SGCG: variants seen among roughly 807,000 people sequenced by gnomAD.
The protein encoded by SGCG is sarcoglycan gamma, also known as gamma-sarcoglycan.
A neutral mutation model predicts 29.3 loss-of-function variants in SGCG; 26 were observed. That is an observed-to-expected ratio of 0.89 (90% confidence interval 0.65 to 1.23). The LOEUF is 1.23. Among genes scored for constraint, SGCG ranks in the 50% most tolerant of loss-of-function variants. The probability of loss-of-function intolerance (pLI) is 0.00; values close to 1 mark genes in which losing one functional copy is unlikely to be tolerated. For missense variants in SGCG, 353 were observed against 356.0 expected (o/e 0.99, Z 0.07); for synonymous variants, 145 against 129.7 (o/e 1.12, Z -0.80).
chr13:23,275,219 A>T (rs2137610308), intron 4 of SGCG, among the ~76,000 whole-genome samples: 1 of 151,436 alleles, frequency 6.6e-6, no homozygotes, highest in South Asian at 2.1e-4. Context: ...AAGATTGGTT[A>T]AAAGTGATCA....
At chr13:23,216,252 A>G (rs901662242) in intron 2 of SGCG, among the ~76,000 whole-genome samples, 2 of 152,110 alleles carry the variant, frequency 1.3e-5, no homozygotes, top group African/African-American at 2.4e-5. Flanking sequence ...GGGTGTATCT[A>G]TTTATGTCAG....
the SGCG span, among the ~76,000 whole-genome samples, chr13:23,167,452 C>T: frequency 6.6e-6 from 1 of 152,148 alleles, no homozygotes; most frequent in Non-Finnish European, 1.5e-5. Context: ...CTCATAGTAG[C>T]TCTATTTTTA....
chr13:23,243,701 A>T (rs1372222814), intron 3 of SGCG: 6 of 152,122 alleles, frequency 3.9e-5, no homozygotes, highest in African/African-American at 1.4e-4. Context: ...GATTGGCTCC[A>T]CCACGGAACT....
intron 3 of SGCG, among the ~76,000 whole-genome samples, chr13:23,238,353 A>C (rs576377534): frequency 2.0e-5 from 3 of 152,274 alleles, no homozygotes; most frequent in Admixed American, 1.3e-4. Flanking sequence ...ACCCCCACCA[A>C]GTCTATGGAT....
chr13:23,245,696 C>T (rs1879683179), intron 3 of SGCG: 1 of 152,140 alleles, frequency 6.6e-6, no homozygotes, highest in African/African-American at 2.4e-5. Context: ...ATTATAACCC[C>T]CATTCAATAA....
the SGCG span, among the ~76,000 whole-genome samples, chr13:23,167,773 C>T: frequency 6.6e-6 from 1 of 151,952 alleles, no homozygotes; most frequent in Non-Finnish European, 1.5e-5. Flanking sequence ...GCTCCGGCAC[C>T]CAGGCTGGAG....
At chr13:23,180,305 T>G (rs1876686185), upstream of SGCG, among the ~76,000 whole-genome samples, 1 of 151,716 alleles carries the variant, frequency 6.6e-6, no homozygotes, top group Non-Finnish European at 1.5e-5. Context: ...AAAGACAATT[T>G]AAGGTCACAT....
intron 2 of SGCG, among the ~76,000 whole-genome samples, chr13:23,233,841 C>G (rs903749542): frequency 6.6e-6 from 1 of 152,138 alleles, no homozygotes; most frequent in Admixed American, 6.5e-5. Context: ...GGAGGACGAG[C>G]CTGTTAGGAG....
chr13:23,313,615 A>C (rs1442948346), intron 6 of SGCG, among the ~76,000 whole-genome samples: 1 of 152,234 alleles, frequency 6.6e-6, no homozygotes, highest in African/African-American at 2.4e-5. Flanking sequence ...TTTATTTAAA[A>C]AGGAGCACAA....
chr13:23,320,850 A>C, intron 7 of SGCG, 90 bp downstream of exon 7: 1 of 1,338,290 alleles, frequency 7.5e-7, no homozygotes, highest in South Asian at 1.2e-5. Context: ...TTAAATTTCT[A>C]GTAGTTTGTA....
chr13:23,291,733 T>A (rs1316189690), intron 5 of SGCG, among the ~76,000 whole-genome samples: 1 of 152,236 alleles, frequency 6.6e-6, no homozygotes, highest in Non-Finnish European at 1.5e-5. Flanking sequence ...GTAATTGGCA[T>A]GCATTTAAAA....
At chr13:23,222,583 A>C (rs1331818415) in intron 2 of SGCG, among the ~76,000 whole-genome samples, 3 of 151,920 alleles carry the variant, frequency 2.0e-5, no homozygotes, top group Non-Finnish European at 1.5e-5. Flanking sequence ...TCTAGCACTT[A>C]GGGAGGCTGA....
intron 5 of SGCG, among the ~76,000 whole-genome samples, chr13:23,288,556 G>A (rs1162009908): frequency 6.6e-6 from 1 of 152,134 alleles, no homozygotes; most frequent in African/African-American, 2.4e-5. Context: ...GTTTTTAAGC[G>A]AAATTTATGG....
intron 6 of SGCG, among the ~76,000 whole-genome samples, chr13:23,314,076 G>T (rs954201593): frequency 6.6e-6 from 1 of 151,656 alleles, no homozygotes; most frequent in Non-Finnish European, 1.5e-5. Context: ...GGGACCTTGT[G>T]ATCATGTAAG....
chr13:23,267,436 C>T (rs1232321632), intron 4 of SGCG: 1 of 152,166 alleles, frequency 6.6e-6, no homozygotes, highest in Admixed American at 6.5e-5. Flanking sequence ...CCAGATAATC[C>T]AAGTCACTTT....
chr13:23,252,141 A>T (rs192590049), intron 4 of SGCG, among the ~76,000 whole-genome samples: 1 of 152,168 alleles, frequency 6.6e-6, no homozygotes, highest in African/African-American at 2.4e-5. Flanking sequence ...CTTAAGATGT[A>T]TTTAAAACAA....
intron 7 of SGCG, 102 bp downstream of exon 7, chr13:23,320,862 G>A: frequency 7.9e-7 from 1 of 1,269,956 alleles, no homozygotes; most frequent in Non-Finnish European, 1.1e-6. Flanking sequence ...TAGTTTGTAG[G>A]AAAACATTGT....
At position 23,184,772 on chromosome 13, in the gene SGCG, C is replaced by T. The variant is rs148277030; in HGVS notation, c.-1+3697C>T. ...CTCTCCTAACCTAGCCGGCTTCCCT[C>T]ATTGCCTGGTGCCTTCCTCTTGAGA... On this transcript the variant is annotated intron_variant, in intron 1 of 7. Transcript: ENST00000218867. Among the ~76,000 whole-genome samples, 391 of 152,308 alleles carry T rather than the reference C, an allele frequency of 2.6e-3. 4 individuals are homozygous for T. The highest frequency in any genetic ancestry group is 8.8e-3 in the African/African-American group (364 of 41,570).
At chr13:23,171,491 A>G in the SGCG span, among the ~76,000 whole-genome samples, 6 of 152,236 alleles carry the variant, frequency 3.9e-5, no homozygotes, top group Admixed American at 1.3e-4. Context: ...AATGTTAATC[A>G]GAATCAGAGT....
Sources: gnomAD v4.1 joint callset for allele counts (sites outside exome capture counted in the v4.1 genomes callset) on GRCh38, gnomAD v4.1.1 for gene constraint, MANE v1.5 for transcripts, NCBI Gene and HGNC (gene_info 2026-07-23, HGNC 2026-07-21) for gene names.